ATP6V0D2: variants seen among roughly 807,000 people sequenced by gnomAD.
ATP6V0D2 encodes ATPase H+ transporting V0 subunit d2, also known as V-type proton ATPase subunit d 2.
ATP6V0D2 carries 40 observed loss-of-function variants against 40.0 expected under a neutral mutation model. The observed-to-expected ratio is 1.00, with a 90% CI of 0.78 to 1.30. ATP6V0D2 has a LOEUF of 1.30. ATP6V0D2 is among the 50% of genes most tolerant of loss of function. ATP6V0D2 has a pLI of 0.00. For synonymous variants in ATP6V0D2, 179 were observed against 156.3 expected, an observed-to-expected ratio of 1.15 and a Z score of -1.08; for missense variants, 470 against 423.1, an observed-to-expected ratio of 1.11 and a Z score of -0.97.
intron 5 of ATP6V0D2, 114 bp from the exon 6 acceptor site, chr8:86,149,998 C>T: frequency 1.0e-6 from 1 of 982,348 alleles, no homozygotes; most frequent in South Asian, 1.7e-5. Flanking sequence ...TATAATTAGA[C>T]ATAGATCCAG....
chr8:86,140,421 G>A (rs1818957161), intron 3 of ATP6V0D2, among the ~76,000 whole-genome samples: 1 of 152,134 alleles, frequency 6.6e-6, no homozygotes. Context: ...AGACAACCAT[G>A]AGCATGAAAC....
At position 86,153,525 on chromosome 8, in the gene ATP6V0D2, T is replaced by A. The variant is rs1819186824; in HGVS notation, c.*548T>A. On this transcript the variant is annotated 3_prime_UTR_variant, in exon 8 of 8. Transcript: ENST00000285393. ...TGTACACCCCCACACAAGGCTAAGT[T>A]TTGTATTTTTTGTAGAGACAGGGTT... The A allele has an allele frequency of 6.6e-6, 1 of 152,046 alleles. No homozygotes were observed. Among genetic ancestry groups the A allele is most frequent in the African/African-American group, 2.4e-5 (1 of 41,350 alleles). The allele number at this position is 152,046 out of a possible 1,614,324, so 9.4% of individuals were successfully genotyped here.
chr8:86,127,891 A>G (rs1278731319), intron 2 of ATP6V0D2, among the ~76,000 whole-genome samples: 2 of 152,196 alleles, frequency 1.3e-5, no homozygotes, highest in African/African-American at 4.8e-5. Flanking sequence ...GGTAGAAAGG[A>G]AACCTGTAGC....
intron 7 of ATP6V0D2, 143 bp from the exon 8 acceptor site, chr8:86,152,673 A>G (rs1819173666): frequency 1.6e-6 from 1 of 632,986 alleles, no homozygotes; most frequent in African/African-American, 1.9e-5. Context: ...TTGTCACCAT[A>G]CTCCTCTATT....
At chr8:86,151,334 T>C (rs1819148570) in intron 6 of ATP6V0D2, 132 bp from the exon 7 acceptor site, 5 of 678,736 alleles carry the variant, frequency 7.4e-6, no homozygotes, top group African/African-American at 3.8e-5. Flanking sequence ...CAAAATCCTA[T>C]AAAAAAACAT....
chr8:86,124,087 T>C (rs556469447), intron 2 of ATP6V0D2, among the ~76,000 whole-genome samples: 2 of 152,284 alleles, frequency 1.3e-5, no homozygotes, highest in African/African-American at 2.4e-5. Flanking sequence ...CCTGAGTCTC[T>C]GGTCGGAAAA....
rs755514597 is a variant in ATP6V0D2, at chr8:86,113,825, G to T, written c.247G>T (p.Glu83Ter). ...GAGGAAAAGACTATGTGGAGAATTT[G>T]AGTATTTCCGGAATCATTCCCTGGA... The part of the protein sequence containing the change: ...EMRKRLCGEF[E>*]YFRNHSLEPL... The change falls in exon 2 of 8, where the codon GAG becomes TAG. Residue 83 changes from glutamate to a stop codon, truncating the protein, a stop_gained. Transcript: ENST00000285393. LOFTEE classifies it high-confidence loss of function. 11 of 1,613,746 alleles carry T rather than the reference G, an allele frequency of 6.8e-6. No homozygotes were observed. The South Asian group carries it at 8.8e-5, about 13-fold the overall frequency.
intron 5 of ATP6V0D2, among the ~76,000 whole-genome samples, chr8:86,146,741 T>A (rs1819074750): frequency 6.6e-6 from 1 of 152,110 alleles, no homozygotes. Flanking sequence ...TATACAGAAA[T>A]ATCAGCTACA....
chr8:86,114,349 A>G (rs114901623), intron 2 of ATP6V0D2, among the ~76,000 whole-genome samples: 4,134 of 152,250 alleles, frequency 0.027, 182 homozygotes, highest in African/African-American at 0.093. Context: ...TGTGGTTCCA[A>G]TTGTGCAACA....
At chr8:86,141,323 G>A (rs535273012) in intron 3 of ATP6V0D2, 127 bp from the exon 4 acceptor site, 1 of 607,358 alleles carries the variant, frequency 1.6e-6, no homozygotes, top group African/African-American at 1.8e-5. Flanking sequence ...TTAGTGGAGT[G>A]TATGGATTGC....
At chr8:86,127,300 A>G (rs1335271197) in intron 2 of ATP6V0D2, among the ~76,000 whole-genome samples, 1 of 152,222 alleles carries the variant, frequency 6.6e-6, no homozygotes, top group Non-Finnish European at 1.5e-5. Flanking sequence ...AATGTAATCA[A>G]GGAAAACTTT....
chr8:86,152,840 A>G lies in ATP6V0D2; in HGVS notation c.916A>G (p.Asn306Asp), dbSNP rs747659877. Residue 306 changes from asparagine to aspartate, a missense_variant, in exon 8 of 8, where the codon AAC becomes GAC. Physicochemically the swap from Asn to Asp is conservative, Grantham distance 23. Coordinates refer to ENST00000285393, the MANE Select transcript of ATP6V0D2 (RefSeq NM_152565.1). ...REVQMNVLAF[N>D]RQFHYGVFYA... ...GGTACAAATGAATGTGCTGGCATTCAACAGACAGTTCCACTACGGTGTGTT... is the reference window on the plus strand; with the variant it reads ...GGTACAAATGAATGTGCTGGCATTCGACAGACAGTTCCACTACGGTGTGTT... The G allele has an allele frequency of 4.4e-6, 7 of 1,600,250 alleles. No homozygotes were observed. Among genetic ancestry groups the G allele is most frequent in the Non-Finnish European group, 6.0e-6 (7 of 1,176,308 alleles).
At chr8:86,139,682 A>G (rs199651884) in intron 3 of ATP6V0D2, 47 bp downstream of exon 3, 1 of 1,498,352 alleles carries the variant, frequency 6.7e-7, no homozygotes, top group Non-Finnish European at 8.9e-7. Flanking sequence ...ATGTTATCAC[A>G]GTCATTAGAA....
intron 2 of ATP6V0D2, among the ~76,000 whole-genome samples, chr8:86,135,265 A>G (rs972623660): frequency 5.3e-5 from 8 of 152,230 alleles, no homozygotes; most frequent in African/African-American, 1.9e-4. Flanking sequence ...TTGACCTCTT[A>G]GCAACTGTTA....
Position 86,126,623 on chromosome 8 carries a change from G to A in ATP6V0D2, c.302+12743G>A, listed in dbSNP as rs528469956. On this transcript the variant is annotated intron_variant, in intron 2 of 7. Transcript: ENST00000285393. Reference sequence around the variant, plus strand: ...TATGTTCATCACTGCTACTGCCAATGTATATAGAAAATTTATTTCACCCCA... The same window carrying A: ...TATGTTCATCACTGCTACTGCCAATATATATAGAAAATTTATTTCACCCCA... Among the ~76,000 whole-genome samples, 6 of 151,904 alleles carry A rather than the reference G, an allele frequency of 3.9e-5. No individual in the cohort carries two copies. In the South Asian group the frequency reaches 6.2e-4, roughly 16 times the overall value.
chr8:86,144,390 C>T (rs936388396), intron 5 of ATP6V0D2, among the ~76,000 whole-genome samples: 1 of 152,114 alleles, frequency 6.6e-6, no homozygotes, highest in Non-Finnish European at 1.5e-5. Flanking sequence ...TATTTTTCAT[C>T]ATTACATTAT....
At chr8:86,101,234 G>A (rs970300093) in intron 1 of ATP6V0D2, among the ~76,000 whole-genome samples, 1 of 151,730 alleles carries the variant, frequency 6.6e-6, no homozygotes, top group Non-Finnish European at 1.5e-5. Context: ...CTAGGTGTGA[G>A]GACTGCTTGA....
At chr8:86,141,950 A>G (rs762901071) in intron 4 of ATP6V0D2, among the ~76,000 whole-genome samples, 4 of 152,120 alleles carry the variant, frequency 2.6e-5, no homozygotes, top group African/African-American at 7.2e-5. Context: ...TGCCCACACA[A>G]TTTTAATCTA....
intron 2 of ATP6V0D2, among the ~76,000 whole-genome samples, chr8:86,116,366 C>T (rs1232876239): frequency 6.6e-6 from 1 of 152,094 alleles, no homozygotes; most frequent in Non-Finnish European, 1.5e-5. Context: ...ATGCTTGTGA[C>T]TGTCATTCTT....
Sources: allele counts gnomAD v4.1 joint callset (sites outside exome capture counted in the v4.1 genomes callset), GRCh38; gene constraint gnomAD v4.1.1; transcripts MANE v1.5; gene names NCBI Gene and HGNC (gene_info 2026-07-23, HGNC 2026-07-21).